Variants in RIPOR2 observed in about 807,000 individuals in gnomAD.
RIPOR2 encodes the protein rho family-interacting cell polarization regulator 2.
RIPOR2 carries 39 observed loss-of-function variants against 114.5 expected under a neutral mutation model. That is an observed-to-expected ratio of 0.34 (90% CI 0.26 to 0.44). The LOEUF is 0.44. Among genes scored for constraint, RIPOR2 ranks in the 20% least tolerant of loss-of-function variants. RIPOR2 has a pLI of 1.00. For missense variants in RIPOR2, 1,007 were observed against 1,255.1 expected, an observed-to-expected ratio of 0.80 and a Z score of 2.99; for synonymous variants, 445 against 484.4, an observed-to-expected ratio of 0.92 and a Z score of 1.07.
chr6:25,000,983 C>T (rs1055489124), intron 1 of RIPOR2, among the ~76,000 whole-genome samples: 1 of 152,132 alleles, frequency 6.6e-6, no homozygotes, highest in Non-Finnish European at 1.5e-5. Context: ...AAAGGGGCTG[C>T]GGACCTCGAT....
chr6:24,924,379 G>T (rs935654270), intron 1 of RIPOR2, among the ~76,000 whole-genome samples: 1 of 152,128 alleles, frequency 6.6e-6, no homozygotes, highest in Non-Finnish European at 1.5e-5. Flanking sequence ...AGCATCATAT[G>T]GGGGAAAGAA....
intron 1 of RIPOR2, among the ~76,000 whole-genome samples, chr6:24,974,573 A>G (rs986029642): frequency 1.3e-5 from 2 of 152,216 alleles, no homozygotes; most frequent in South Asian, 4.1e-4. Context: ...TGGGAATGTA[A>G]AATGGTGCAG....
intron 1 of RIPOR2, among the ~76,000 whole-genome samples, chr6:24,966,497 G>T (rs1370457575): frequency 6.6e-6 from 1 of 152,164 alleles, no homozygotes; most frequent in Admixed American, 6.5e-5. Context: ...CCACGTGTTG[G>T]GTCCCTGCCG....
At chr6:25,005,457 C>G (rs1221785806) in intron 1 of RIPOR2, among the ~76,000 whole-genome samples, 1 of 151,818 alleles carries the variant, frequency 6.6e-6, no homozygotes, top group Admixed American at 6.6e-5. Context: ...ATTTTCCTAC[C>G]TGTGCAATTG....
intron 7 of RIPOR2, among the ~76,000 whole-genome samples, chr6:24,861,359 A>G (rs1384453919): frequency 2.0e-5 from 3 of 152,242 alleles, no homozygotes; most frequent in African/African-American, 7.2e-5. Flanking sequence ...AAATTTCTAC[A>G]TAAAGAGACT....
At chr6:25,000,069 C>T (rs1180677855) in intron 1 of RIPOR2, among the ~76,000 whole-genome samples, 6 of 152,204 alleles carry the variant, frequency 3.9e-5, no homozygotes, top group Non-Finnish European at 1.5e-5. Context: ...GCCCCAGCCA[C>T]CCAGGGCCAT....
At chr6:25,023,838 G>A in intron 1 of RIPOR2, 1 of 739,726 alleles carries the variant, frequency 1.4e-6, no homozygotes, top group South Asian at 1.3e-5. Flanking sequence ...TGTCAGGGGT[G>A]TTGGGGGCTT....
intron 1 of RIPOR2, among the ~76,000 whole-genome samples, chr6:24,879,662 C>A (rs1766166370): frequency 6.6e-6 from 1 of 152,136 alleles, no homozygotes; most frequent in African/African-American, 2.4e-5. Flanking sequence ...CAAAAGTATA[C>A]AAAACACTCC....
At chr6:24,852,766 C>T (rs985681896) in intron 8 of RIPOR2, 148 bp from the exon 9 acceptor site, 10 of 540,736 alleles carry the variant, frequency 1.8e-5, no homozygotes, top group Non-Finnish European at 2.9e-5. Context: ...TGGGGAACAG[C>T]TGTTTTTGGG....
chr6:24,872,097 T>C (rs1290708937), intron 4 of RIPOR2, among the ~76,000 whole-genome samples: 1 of 152,234 alleles, frequency 6.6e-6, no homozygotes, highest in African/African-American at 2.4e-5. Context: ...TGAGTTTTCT[T>C]GGGCTGATTT....
At chr6:25,005,694 GATAT>G (rs34057286) in intron 1 of RIPOR2, among the ~76,000 whole-genome samples, 2,819 of 45,010 alleles carry the variant, frequency 0.063, 78 homozygotes, top group Middle Eastern at 0.1. Context: ...TCCCTATGGA[GATAT>G]ATATATATAT....
At chr6:24,831,453 G>T (rs1341141532) in intron 16 of RIPOR2, among the ~76,000 whole-genome samples, 2 of 152,146 alleles carry the variant, frequency 1.3e-5, no homozygotes, top group African/African-American at 4.8e-5. Context: ...ATGGTACCAG[G>T]TGGGACAGGA....
intron 1 of RIPOR2, among the ~76,000 whole-genome samples, chr6:25,001,030 C>T (rs1183842369): frequency 3.3e-5 from 5 of 152,148 alleles, no homozygotes; most frequent in Non-Finnish European, 5.9e-5. Flanking sequence ...CATTCCCTAG[C>T]GATGTCCTGC....
upstream of RIPOR2, chr6:25,042,061 A>T: frequency 2.1e-6 from 1 of 476,864 alleles, no homozygotes; most frequent in Non-Finnish European, 3.7e-6. Context: ...CTTTTCTTAA[A>T]AAAAAAAAAA....
chr6:24,850,852 C>G (rs535129564), intron 9 of RIPOR2, 130 bp from the exon 10 acceptor site: 3 of 1,066,784 alleles, frequency 2.8e-6, no homozygotes, highest in Admixed American at 1.9e-5. Flanking sequence ...CCCTCCACCC[C>G]CTTACTCTTG....
intron 1 of RIPOR2, chr6:25,023,652 T>C (rs1319266427): frequency 1.3e-6 from 1 of 762,696 alleles, no homozygotes; most frequent in South Asian, 1.3e-5. Flanking sequence ...GTCTCATAGA[T>C]ACCTCGGGAC....
chr6:24,880,981 C>T (rs1032790988), intron 1 of RIPOR2, among the ~76,000 whole-genome samples: 2 of 152,184 alleles, frequency 1.3e-5, no homozygotes, highest in Non-Finnish European at 2.9e-5. Flanking sequence ...CAGTGGCTCA[C>T]GCCTGTAATC....
chr6:24,830,796 A>G, intron 16 of RIPOR2, 126 bp from the exon 17 acceptor site: 1 of 935,756 alleles, frequency 1.1e-6, no homozygotes, highest in South Asian at 1.9e-5. Flanking sequence ...GCTCACTGGA[A>G]CTTCCGCCTC....
chr6:24,926,124 T>C (rs1244049829), intron 1 of RIPOR2, among the ~76,000 whole-genome samples: 1 of 152,232 alleles, frequency 6.6e-6, no homozygotes, highest in East Asian at 1.9e-4. Flanking sequence ...AACATTAAAG[T>C]TTTCAGTGGG....
Sources: gnomAD v4.1 joint callset for allele counts (sites outside exome capture counted in the v4.1 genomes callset) on GRCh38, gnomAD v4.1.1 for gene constraint, MANE v1.5 for transcripts, NCBI Gene and HGNC (gene_info 2026-07-23, HGNC 2026-07-21) for gene names.